RASGRP3: variants seen among roughly 807,000 people sequenced by gnomAD.
The protein encoded by RASGRP3 is RAS guanyl releasing protein 3.
RASGRP3 carries 54 observed loss-of-function variants against 82.7 expected under a neutral mutation model. That is an observed-to-expected ratio of 0.65 (90% CI 0.52 to 0.82). The LOEUF (loss-of-function observed/expected upper bound fraction) is 0.82. Ranked by LOEUF, RASGRP3 falls within the 40% of genes least tolerant of loss-of-function variation. RASGRP3 has a pLI of 0.00. For synonymous variants in RASGRP3, 309 were observed against 300.5 expected (o/e 1.03, Z -0.29); for missense variants, 861 against 828.9 (o/e 1.04, Z -0.48).
chr2:33,548,722 T>G (rs959801112), intron 13 of RASGRP3, among the ~76,000 whole-genome samples: 1 of 152,142 alleles, frequency 6.6e-6, no homozygotes, highest in Non-Finnish European at 1.5e-5. Context: ...TTATTATTTT[T>G]TGAGACAAGA....
intron 14 of RASGRP3, 91 bp downstream of exon 14, chr2:33,549,842 CT>C (rs2151093599): frequency 7.1e-6 from 10 of 1,399,028 alleles, no homozygotes; most frequent in Non-Finnish European, 9.6e-6. Context: ...ATAAAGTTCA[CT>C]GTCTGCTTTG....
At chr2:33,543,985 G>T (rs967967550) in intron 13 of RASGRP3, among the ~76,000 whole-genome samples, 3 of 152,122 alleles carry the variant, frequency 2.0e-5, no homozygotes, top group Non-Finnish European at 4.4e-5. Context: ...CAAAATTAGT[G>T]CACCTGGAAG....
intron 17 of RASGRP3, among the ~76,000 whole-genome samples, chr2:33,560,326 A>G (rs1676506044): frequency 6.6e-6 from 1 of 152,172 alleles, no homozygotes; most frequent in African/African-American, 2.4e-5. Flanking sequence ...TCATCTTGAC[A>G]ACTGTATCAG....
intron 1 of RASGRP3, among the ~76,000 whole-genome samples, chr2:33,491,839 GCA>G (rs1302906377): frequency 6.6e-6 from 1 of 152,234 alleles, no homozygotes; most frequent in Non-Finnish European, 1.5e-5. Context: ...GGACAGCACA[GCA>G]CAGCAGCCCG....
chr2:33,457,633 G>C (rs1666111941), intron 2 of RASGRP3, among the ~76,000 whole-genome samples: 2 of 151,892 alleles, frequency 1.3e-5, no homozygotes. Flanking sequence ...GATGCGGAAT[G>C]CATTATTTGC....
chr2:33,542,209 G>A (rs1428226582), intron 12 of RASGRP3, among the ~76,000 whole-genome samples: 1 of 147,116 alleles, frequency 6.8e-6, no homozygotes, highest in East Asian at 1.9e-4. Context: ...GCAGTTATTG[G>A]ATAATCCATA....
intron 1 of RASGRP3, among the ~76,000 whole-genome samples, 151 bp from the exon 2 acceptor site, chr2:33,511,559 C>T (rs1670928047): frequency 6.6e-6 from 1 of 152,160 alleles, no homozygotes; most frequent in Non-Finnish European, 1.5e-5. Context: ...AATATTTGCC[C>T]TTGTTAATTG....
intron 10 of RASGRP3, among the ~76,000 whole-genome samples, chr2:33,529,320 C>T (rs760217863): frequency 6.0e-5 from 9 of 151,014 alleles, no homozygotes; most frequent in Non-Finnish European, 1.0e-4. Flanking sequence ...CGGTGAAACG[C>T]CATCTCTACT....
chr2:33,459,131 G>A (rs1666207837), intron 2 of RASGRP3, among the ~76,000 whole-genome samples: 2 of 152,016 alleles, frequency 1.3e-5, no homozygotes, highest in East Asian at 1.9e-4. Context: ...GACATTTCTC[G>A]GACTTTTTTT....
chr2:33,516,640 T>C lies in RASGRP3; in HGVS notation c.169T>C (p.Cys57Arg). 8 of 1,531,028 alleles carry C rather than the reference T, an allele frequency of 5.2e-6. No homozygotes were observed. Among genetic ancestry groups the C allele is most frequent in the Non-Finnish European group, 7.2e-6 (8 of 1,115,362 alleles). The allele number at this position is 1,531,028 out of a possible 1,614,324, so 94.8% of individuals were successfully genotyped here. Residue 57 changes from cysteine (C) to arginine (R), a missense_variant, in exon 4 of 18, where the codon TGC becomes CGC. Coordinates refer to ENST00000403687, the MANE Select transcript of RASGRP3 (RefSeq NM_001139488.2). ...CACTGAATTGGCAGAAAAACTTCTC[T>C]GCATATATCTTTTCAACTACTGTGT... ...SSTELAEKLL[C>R]MYRNATGESC...
chr2:33,501,729 T>G (rs967638949), intron 1 of RASGRP3, among the ~76,000 whole-genome samples: 7 of 151,990 alleles, frequency 4.6e-5, no homozygotes, highest in African/African-American at 1.7e-4. Flanking sequence ...TGTGGATGAG[T>G]TCAGCATGGA....
At chr2:33,520,422 G>T in intron 5 of RASGRP3, 131 bp from the exon 6 acceptor site, 1 of 1,212,332 alleles carries the variant, frequency 8.2e-7, no homozygotes, top group Non-Finnish European at 1.2e-6. Flanking sequence ...GACAGGAGAT[G>T]GCTAATTTGA....
At chr2:33,526,994 T>G in intron 9 of RASGRP3, 143 bp from the exon 10 acceptor site, 1 of 869,462 alleles carries the variant, frequency 1.2e-6, no homozygotes, top group African/African-American at 1.7e-5. Flanking sequence ...TTCTTTTTCC[T>G]GATTCATATT....
chr2:33,550,753 T>C (rs1311743276), intron 14 of RASGRP3, among the ~76,000 whole-genome samples: 1 of 152,180 alleles, frequency 6.6e-6, no homozygotes, highest in Admixed American at 6.5e-5. Flanking sequence ...TATTATACGC[T>C]ACCAGAAATT....
intron 1 of RASGRP3, among the ~76,000 whole-genome samples, chr2:33,495,079 C>T (rs1375665425): frequency 6.6e-6 from 1 of 152,348 alleles, no homozygotes; most frequent in African/African-American, 2.4e-5. Context: ...ACTCCACAAA[C>T]AGTAACATTC....
intron 2 of RASGRP3, among the ~76,000 whole-genome samples, chr2:33,465,033 A>G (rs1205420211): frequency 1.3e-5 from 2 of 152,204 alleles, no homozygotes; most frequent in African/African-American, 4.8e-5. Context: ...CTTACTTTAG[A>G]TCAAAAGCTA....
chr2:33,492,786 T>C (rs772587585), intron 1 of RASGRP3, among the ~76,000 whole-genome samples: 3 of 152,174 alleles, frequency 2.0e-5, no homozygotes, highest in Non-Finnish European at 2.9e-5. Context: ...AAGACAGGCC[T>C]CTACCCTGGA....
intron 9 of RASGRP3, among the ~76,000 whole-genome samples, chr2:33,526,886 A>G (rs1295789954): frequency 6.6e-6 from 1 of 152,198 alleles, no homozygotes; most frequent in Non-Finnish European, 1.5e-5. Flanking sequence ...ATATCCCAAC[A>G]TCCCTAGTAG....
At chr2:33,462,501 C>T (rs182447156) in intron 2 of RASGRP3, among the ~76,000 whole-genome samples, 62 of 152,000 alleles carry the variant, frequency 4.1e-4, no homozygotes, top group African/African-American at 1.5e-3. Flanking sequence ...CCTCAGCCTC[C>T]CAAGTAGCTG....
Sources: gnomAD v4.1 joint callset for allele counts (sites outside exome capture counted in the v4.1 genomes callset) on GRCh38, gnomAD v4.1.1 for gene constraint, MANE v1.5 for transcripts, NCBI Gene and HGNC (gene_info 2026-07-23, HGNC 2026-07-21) for gene names.